The following F13A1 variants were observed in gnomAD, a reference collection of about 807,000 sequenced individuals.
F13A1 encodes FSF, A subunit.
A neutral mutation model predicts 80.1 loss-of-function variants in F13A1; 47 were observed. The observed-to-expected ratio is 0.59, with a 90% CI of 0.46 to 0.75. The LOEUF is 0.75. Ranked by LOEUF, F13A1 falls within the 30% of genes least tolerant of loss-of-function variation. The pLI is 0.00. For missense variants in F13A1, 817 were observed against 930.4 expected (o/e 0.88, Z 1.59); for synonymous variants, 349 against 344.9 (o/e 1.01, Z -0.13).
rs770263296 is a variant in F13A1, at chr6:6,174,753, A to G, written c.1574T>C (p.Val525Ala). The G allele has an allele frequency of 3.1e-6, 5 of 1,614,188 alleles. No homozygotes were observed. Among genetic ancestry groups the G allele is most frequent in the Non-Finnish European group, 4.2e-6 (5 of 1,180,026 alleles). ...GTCTTTTCCCAGCACAGCATTTTCCACTTCAAAGTCCATGTCAACGTTGGA... is the reference window on the plus strand; with the variant it reads ...GTCTTTTCCCAGCACAGCATTTTCCGCTTCAAAGTCCATGTCAACGTTGGA... Reference protein sequence around the residue: ...SRSNVDMDFEVENAVLGKDFK... With the variant: ...SRSNVDMDFEAENAVLGKDFK... Residue 525 changes from valine (V) to alanine (A), a missense_variant, in exon 12 of 15, where the codon GTG (valine) becomes GCG (alanine). Val to Ala is a moderately conservative substitution (Grantham distance 64). Coordinates refer to ENST00000264870, the MANE Select transcript of F13A1 (RefSeq NM_000129.4).
chr6:6,154,661 GGCCCT>G (rs1174573967), intron 13 of F13A1, among the ~76,000 whole-genome samples: 2 of 152,166 alleles, frequency 1.3e-5, no homozygotes, highest in Non-Finnish European at 2.9e-5. Context: ...TCTTCCCAGA[GGCCCT>G]GCCTCAATCA....
intron 2 of F13A1, among the ~76,000 whole-genome samples, chr6:6,309,158 G>A (rs1319992281): frequency 6.6e-6 from 1 of 152,118 alleles, no homozygotes; most frequent in African/African-American, 2.4e-5. Context: ...TGTTATAAGT[G>A]TGCTATTTTA....
At chr6:6,299,988 G>A (rs570936537) in intron 3 of F13A1, among the ~76,000 whole-genome samples, 1 of 147,258 alleles carries the variant, frequency 6.8e-6, no homozygotes, top group Non-Finnish European at 1.5e-5. Flanking sequence ...TCAGCTGCAG[G>A]TCTGTTGGAG....
At chr6:6,197,566 T>C (rs1236409735) in intron 8 of F13A1, among the ~76,000 whole-genome samples, 1 of 151,936 alleles carries the variant, frequency 6.6e-6, no homozygotes, top group African/African-American at 2.4e-5. Context: ...TAGTTCCAGC[T>C]ACTTGGGAGG....
chr6:6,163,042 GTCA>G (rs1561639604), intron 13 of F13A1, among the ~76,000 whole-genome samples: 1 of 152,196 alleles, frequency 6.6e-6, no homozygotes, highest in Non-Finnish European at 1.5e-5. Flanking sequence ...CATAGCTGCT[GTCA>G]TCATAATCAC....
chr6:6,158,248 A>G (rs1760511667), intron 13 of F13A1, among the ~76,000 whole-genome samples: 1 of 152,150 alleles, frequency 6.6e-6, no homozygotes, highest in African/African-American at 2.4e-5. Context: ...GGATGCACAC[A>G]GTGGTGCTAT....
chr6:6,185,809 A>G (rs1761071960), intron 10 of F13A1, among the ~76,000 whole-genome samples: 1 of 152,244 alleles, frequency 6.6e-6, no homozygotes, highest in African/African-American at 2.4e-5. Context: ...TGACTTCCAC[A>G]ATGGTTGAAC....
intron 8 of F13A1, among the ~76,000 whole-genome samples, chr6:6,204,129 ATAAAGTGGTTAATT>A (rs1761445363): frequency 6.6e-6 from 1 of 152,206 alleles, no homozygotes; most frequent in African/African-American, 2.4e-5. Context: ...TTTGAAGAAA[ATAAAGTGGTTAATT>A]TAAACAAGGA....
Position 6,227,465 on chromosome 6 carries a change from G to A in F13A1, c.799-2605C>T, listed in dbSNP as rs78077009. On this transcript the variant is annotated intron_variant, in intron 6 of 14. Coordinates refer to ENST00000264870, the MANE Select transcript of F13A1 (RefSeq NM_000129.4). ...CTTATAGAGTCATGAAATGACTGGA[G>A]TGCAGCAGGCTTTAGCCAAACATTA... Among the ~76,000 whole-genome samples, 481 of 152,330 alleles carry A rather than the reference G, an allele frequency of 3.2e-3. 1 individual carries two copies. Among genetic ancestry groups the A allele is most frequent in the African/African-American group, 0.011 (458 of 41,568 alleles).
chr6:6,293,815 GA>G (rs1758271797), intron 3 of F13A1, among the ~76,000 whole-genome samples: 1 of 99,434 alleles, frequency 1.0e-5, no homozygotes, highest in Admixed American at 1.0e-4. Context: ...GGGAGGGAGG[GA>G]GGGAGGGAGA....
chr6:6,159,320 G>T (rs1421235586), intron 13 of F13A1, among the ~76,000 whole-genome samples: 1 of 152,170 alleles, frequency 6.6e-6, no homozygotes, highest in Non-Finnish European at 1.5e-5. Context: ...TGGGTTTCCA[G>T]GGTGTGAGCC....
intron 6 of F13A1, among the ~76,000 whole-genome samples, chr6:6,233,142 C>T (rs1267840): frequency 0.3 from 45,111 of 151,646 alleles, 6,999 homozygotes; most frequent in African/African-American, 0.39. Context: ...AACAAAAATA[C>T]AAAAGATAAA....
rs1029684553 is a variant in F13A1, at chr6:6,175,489, C to T, written c.1460-622G>A. ...AGAAGGTTCTACCAAAACTTGCATCCCCCAGTCCCCAAGGATGCTGGGCTC... is the reference window on the plus strand; with the variant it reads ...AGAAGGTTCTACCAAAACTTGCATCTCCCAGTCCCCAAGGATGCTGGGCTC... On this transcript the variant is annotated intron_variant, in intron 11 of 14. Transcript: ENST00000264870. 4.6e-5 allele frequency among the ~76,000 whole-genome samples: 7 copies of T among 152,300 alleles called. No homozygotes were observed. The East Asian group carries it at 1.4e-3, about 29-fold the overall frequency.
In F13A1 at chr6:6,203,880, A is replaced by AT. The variant is rs1476242336; in HGVS notation, c.1113-6555dup. Among the ~76,000 whole-genome samples the AT allele has an allele frequency of 3.3e-5, 5 of 152,178 alleles. No individual in the cohort carries two copies. The East Asian group carries it at 5.8e-4, about 18-fold the overall frequency. ...GAAAATAGATACTTCTTACTTTGGT[A>AT]TTTTTTCTGCAACATTTAAAATACT... On this transcript the variant is annotated intron_variant, in intron 8 of 14. Coordinates refer to ENST00000264870, the MANE Select transcript of F13A1 (RefSeq NM_000129.4).
At chr6:6,152,706 T>C (rs1188756077) in intron 13 of F13A1, among the ~76,000 whole-genome samples, 2 of 152,190 alleles carry the variant, frequency 1.3e-5, no homozygotes, top group Non-Finnish European at 2.9e-5. Flanking sequence ...TATGGGGCGA[T>C]CTATGTAGAA....
chr6:6,274,624 C>A (rs1757963670), intron 3 of F13A1, among the ~76,000 whole-genome samples: 1 of 152,184 alleles, frequency 6.6e-6, no homozygotes, highest in Admixed American at 6.5e-5. Context: ...TGGCTTATTT[C>A]TGAGAAAGAG....
intron 13 of F13A1, among the ~76,000 whole-genome samples, chr6:6,158,947 G>T (rs1760526719): frequency 6.9e-6 from 1 of 145,442 alleles, no homozygotes; most frequent in African/African-American, 2.6e-5. Flanking sequence ...TGTTGCCCAG[G>T]CTGGAGTGCA....
chr6:6,154,909 C>A lies in F13A1; in HGVS notation c.1909-2960G>T, dbSNP rs151204415. Among the ~76,000 whole-genome samples the A allele has an allele frequency of 1.1e-3, 164 of 152,256 alleles. 2 individuals carry two copies. Among genetic ancestry groups the A allele is most frequent in the African/African-American group, 3.7e-3 (154 of 41,548 alleles). On this transcript the variant is annotated intron_variant, in intron 13 of 14. Transcript: ENST00000264870. ...AAGTGTTTGCTATGATCACTATATT[C>A]TTTCTGGAAAAAATATTTTGGAGCC...
At chr6:6,238,714 G>GTATATATATATATATATA (rs1383321674) in intron 6 of F13A1, among the ~76,000 whole-genome samples, 1 of 84,892 alleles carries the variant, frequency 1.2e-5, no homozygotes, top group Non-Finnish European at 2.2e-5. Context: ...AAAACATGCT[G>GTATATATATATATATATA]CATATATATA....
Sources: gnomAD v4.1 joint callset for allele counts (sites outside exome capture counted in the v4.1 genomes callset) on GRCh38, gnomAD v4.1.1 for gene constraint, MANE v1.5 for transcripts, NCBI Gene and HGNC (gene_info 2026-07-23, HGNC 2026-07-21) for gene names.